The following NTNG1 variants were observed in gnomAD, a reference collection of about 807,000 sequenced individuals.
The protein encoded by NTNG1 is netrin-G1.
NTNG1 carries 16 observed loss-of-function variants against 54.0 expected under a neutral mutation model. That is an observed-to-expected ratio of 0.30 (90% CI 0.20 to 0.45). NTNG1 has a LOEUF of 0.45. NTNG1 is among the 20% of genes least tolerant of loss of function. The probability of loss-of-function intolerance (pLI) is 1.00; values close to 1 mark genes in which losing one functional copy is unlikely to be tolerated. For missense variants in NTNG1, 530 were observed against 678.7 expected, an observed-to-expected ratio of 0.78 and a Z score of 2.43; for synonymous variants, 255 against 263.1, an observed-to-expected ratio of 0.97 and a Z score of 0.30.
intron 4 of NTNG1, among the ~76,000 whole-genome samples, chr1:107,404,138 A>T (rs1673244875): frequency 6.6e-6 from 1 of 151,274 alleles, no homozygotes. Context: ...TGTTTTTCTT[A>T]AAGAGAAGTC....
chr1:107,384,141 C>T (rs752874568), intron 3 of NTNG1, among the ~76,000 whole-genome samples: 1 of 152,130 alleles, frequency 6.6e-6, no homozygotes, highest in Non-Finnish European at 1.5e-5. Flanking sequence ...TTGAGCAGTT[C>T]ATTATCTCAA....
intron 2 of NTNG1, among the ~76,000 whole-genome samples, chr1:107,294,003 AAAGAGT>A (rs1336904670): frequency 6.6e-6 from 1 of 152,204 alleles, no homozygotes; most frequent in African/African-American, 2.4e-5. Context: ...TTCTGAAAAG[AAAGAGT>A]AAATCAGACA....
chr1:107,148,333 A>C lies in NTNG1; in HGVS notation c.-261A>C. 2.5e-6 allele frequency: 1 copy of C among 402,040 alleles called. No individual in the cohort carries two copies. The highest frequency in any genetic ancestry group is 4.5e-6 in the Non-Finnish European group (1 of 223,090). 24.9% of individuals were successfully genotyped at this position (402,040 alleles called of 1,614,324 possible). ...TGTTCTAAGACAAAGAAAAAGCTGCAAGTTGTTAACGCCTAACACACAAGT... is the reference window on the plus strand; with the variant it reads ...TGTTCTAAGACAAAGAAAAAGCTGCCAGTTGTTAACGCCTAACACACAAGT... On this transcript the variant is annotated 5_prime_UTR_variant, in exon 2 of 8. Transcript: ENST00000370068.
intron 2 of NTNG1, among the ~76,000 whole-genome samples, chr1:107,227,051 T>C (rs979191478): frequency 3.3e-5 from 5 of 152,008 alleles, no homozygotes; most frequent in East Asian, 1.9e-4. Flanking sequence ...CTATAAACCA[T>C]AGTGGATCGG....
At chr1:107,455,773 G>A (rs772168197) in intron 7 of NTNG1, 34 of 310,922 alleles carry the variant, frequency 1.1e-4, no homozygotes, top group Non-Finnish European at 2.5e-4. Flanking sequence ...ACATGGTCAG[G>A]CTGCCTCTGT....
chr1:107,171,813 T>G (rs959738131), intron 2 of NTNG1, among the ~76,000 whole-genome samples: 1 of 152,236 alleles, frequency 6.6e-6, no homozygotes, highest in African/African-American at 2.4e-5. Flanking sequence ...TGCTGAAAGC[T>G]GACCAGAGTT....
At chr1:107,341,572 C>T (rs751993326) in intron 3 of NTNG1, among the ~76,000 whole-genome samples, 17 of 151,968 alleles carry the variant, frequency 1.1e-4, no homozygotes, top group Admixed American at 9.2e-4. Flanking sequence ...GATGGATGGC[C>T]TACTTTGACA....
chr1:107,191,884 TG>T (rs1205737287), intron 2 of NTNG1, among the ~76,000 whole-genome samples: 1 of 152,132 alleles, frequency 6.6e-6, no homozygotes, highest in Non-Finnish European at 1.5e-5. Flanking sequence ...TTTGTTCTTT[TG>T]GCTTAGGATT....
intron 2 of NTNG1, among the ~76,000 whole-genome samples, chr1:107,246,808 C>A (rs78984695): frequency 6.6e-6 from 1 of 152,074 alleles, no homozygotes; most frequent in Non-Finnish European, 1.5e-5. Context: ...CTGTTTATAA[C>A]AGAGGTTAAA....
chr1:107,397,235 G>A (rs1440364509), intron 4 of NTNG1, among the ~76,000 whole-genome samples: 2 of 152,282 alleles, frequency 1.3e-5, no homozygotes, highest in East Asian at 1.9e-4. Context: ...ATAGGCAGGT[G>A]ATGGATGGAC....
chr1:107,192,317 CCTT>C (rs1453437384), intron 2 of NTNG1, among the ~76,000 whole-genome samples: 2 of 152,010 alleles, frequency 1.3e-5, no homozygotes, highest in Non-Finnish European at 2.9e-5. Context: ...GTGCTTTCGA[CCTT>C]CTTTTTACAC....
chr1:107,361,149 A>G (rs1670242425), intron 3 of NTNG1, among the ~76,000 whole-genome samples: 1 of 145,060 alleles, frequency 6.9e-6, no homozygotes, highest in African/African-American at 2.5e-5. Context: ...TATATATTAT[A>G]TATTTCTTAT....
intron 2 of NTNG1, among the ~76,000 whole-genome samples, chr1:107,156,406 A>T (rs919523470): frequency 1.3e-5 from 2 of 152,204 alleles, no homozygotes; most frequent in African/African-American, 4.8e-5. Flanking sequence ...TGTTTAGATA[A>T]AAAAGGCTAT....
chr1:107,332,919 A>G (rs1668367656), intron 3 of NTNG1, among the ~76,000 whole-genome samples: 1 of 152,092 alleles, frequency 6.6e-6, no homozygotes, highest in African/African-American at 2.4e-5. Context: ...GTTAATCAAT[A>G]GCAAAGGGGA....
chr1:107,438,156 T>G (rs541284290), intron 7 of NTNG1, among the ~76,000 whole-genome samples: 13 of 152,148 alleles, frequency 8.5e-5, no homozygotes, highest in Non-Finnish European at 1.3e-4. Flanking sequence ...CAGCCACACT[T>G]CTAAGTAATA....
chr1:107,193,315 A>C (rs575368749), intron 2 of NTNG1, among the ~76,000 whole-genome samples: 2 of 151,968 alleles, frequency 1.3e-5, no homozygotes, highest in African/African-American at 2.4e-5. Flanking sequence ...TGTTTCTCCA[A>C]CTTCGGTCAT....
At chr1:107,340,325 T>C (rs955093301) in intron 3 of NTNG1, among the ~76,000 whole-genome samples, 1 of 152,024 alleles carries the variant, frequency 6.6e-6, no homozygotes, top group East Asian at 1.9e-4. Context: ...AAATACTGAG[T>C]AAAATGTGGA....
At chr1:107,306,334 G>A (rs1179915686) in intron 2 of NTNG1, among the ~76,000 whole-genome samples, 1 of 152,162 alleles carries the variant, frequency 6.6e-6, no homozygotes, top group East Asian at 1.9e-4. Context: ...AAAATCCAAT[G>A]TGTAATTTAT....
chr1:107,203,161 T>C (rs1250490375), intron 2 of NTNG1, among the ~76,000 whole-genome samples: 6 of 152,024 alleles, frequency 3.9e-5, no homozygotes, highest in Non-Finnish European at 8.8e-5. Flanking sequence ...TAATTGAATG[T>C]AGCAAGAATG....
Sources: allele counts gnomAD v4.1 joint callset (sites outside exome capture counted in the v4.1 genomes callset), GRCh38; gene constraint gnomAD v4.1.1; transcripts MANE v1.5; gene names NCBI Gene and HGNC (gene_info 2026-07-23, HGNC 2026-07-21).